PRKG1: variants seen among roughly 807,000 people sequenced by gnomAD.
PRKG1 encodes the protein protein kinase cGMP-dependent 1.
In PRKG1, 35 loss-of-function variants were observed where a neutral mutation model predicts 88.1. The observed-to-expected ratio is 0.40, with a 90% CI of 0.30 to 0.53. The LOEUF is 0.53. Ranked by LOEUF, PRKG1 falls within the 20% of genes least tolerant of loss-of-function variation. PRKG1 has a pLI of 0.59. For missense variants in PRKG1, 540 were observed against 839.8 expected, an observed-to-expected ratio of 0.64 and a Z score of 4.41; for synonymous variants, 303 against 292.5, an observed-to-expected ratio of 1.04 and a Z score of -0.37.
intron 3 of PRKG1, among the ~76,000 whole-genome samples, chr10:51,557,572 T>C (rs1385644532): frequency 6.6e-6 from 1 of 152,054 alleles, no homozygotes; most frequent in Non-Finnish European, 1.5e-5. Context: ...GGGCTAGTCA[T>C]ATACATTCTT....
At chr10:52,152,322 T>A (rs1837951597) in intron 8 of PRKG1, among the ~76,000 whole-genome samples, 1 of 152,158 alleles carries the variant, frequency 6.6e-6, no homozygotes, top group African/African-American at 2.4e-5. Context: ...GAAGCTAGAC[T>A]AGGTGCCTGA....
intron 3 of PRKG1, among the ~76,000 whole-genome samples, chr10:51,531,790 T>TGCG (rs1842023634): frequency 8.6e-5 from 13 of 151,464 alleles, no homozygotes; most frequent in African/African-American, 3.2e-4. Context: ...GATTACAGGC[T>TGCG]CCCGACACTG....
Position 51,269,759 on chromosome 10 carries a change from A to G in PRKG1, c.478+116429A>G, listed in dbSNP as rs142728457. Among the ~76,000 whole-genome samples the G allele has an allele frequency of 2.8e-3, 423 of 152,300 alleles. 4 individuals are homozygous for G. The highest frequency in any genetic ancestry group is 1.7e-3 in the Non-Finnish European group (119 of 68,016). On this transcript the variant is annotated intron_variant, in intron 2 of 17. Coordinates refer to ENST00000373980, the MANE Select transcript of PRKG1 (RefSeq NM_006258.4). ...AGGACTAAAAGACTACGTGTTGGGT[A>G]CAGTACACACTGCTAGAGTGACAGG...
At chr10:51,264,535 T>G (rs1839792560) in intron 2 of PRKG1, among the ~76,000 whole-genome samples, 1 of 152,216 alleles carries the variant, frequency 6.6e-6, no homozygotes, top group African/African-American at 2.4e-5. Context: ...TATCACGGTA[T>G]TCTGTGGCAA....
At chr10:51,573,359 T>A (rs1377465888) in intron 3 of PRKG1, among the ~76,000 whole-genome samples, 2 of 149,834 alleles carry the variant, frequency 1.3e-5, no homozygotes, top group African/African-American at 5.1e-5. Context: ...ATACACATTG[T>A]ATTTAATCAC....
At chr10:51,478,542 TA>T (rs1840266202) in intron 3 of PRKG1, among the ~76,000 whole-genome samples, 1 of 152,118 alleles carries the variant, frequency 6.6e-6, no homozygotes, top group African/African-American at 2.4e-5. Context: ...TCCTTTTATC[TA>T]AATTTTGAAT....
At chr10:51,166,008 T>A (rs1589213651) in intron 2 of PRKG1, among the ~76,000 whole-genome samples, 1 of 152,102 alleles carries the variant, frequency 6.6e-6, no homozygotes, top group Non-Finnish European at 1.5e-5. Flanking sequence ...TTTTTATGGC[T>A]GGAAGAACAT....
At chr10:51,898,097 A>G (rs1305039913) in intron 4 of PRKG1, among the ~76,000 whole-genome samples, 1 of 152,044 alleles carries the variant, frequency 6.6e-6, no homozygotes, top group Non-Finnish European at 1.5e-5. Context: ...CCAGGCACTT[A>G]AAAACCCTTG....
intron 3 of PRKG1, among the ~76,000 whole-genome samples, chr10:51,631,679 G>A (rs1247958380): frequency 3.3e-5 from 5 of 152,196 alleles, no homozygotes; most frequent in Admixed American, 3.3e-4. Context: ...ATTCTCATAA[G>A]GAGCATGCAA....
chr10:51,473,845 T>C (rs141386523), intron 3 of PRKG1, among the ~76,000 whole-genome samples: 146 of 151,896 alleles, frequency 9.6e-4, no homozygotes, highest in African/African-American at 3.4e-3. Context: ...CTCCCACACA[T>C]GTAAAGCTTG....
chr10:51,484,604 T>A (rs1417703974), intron 3 of PRKG1, among the ~76,000 whole-genome samples: 2 of 152,130 alleles, frequency 1.3e-5, no homozygotes, highest in Admixed American at 1.3e-4. Flanking sequence ...TGAGCATTTT[T>A]AATGTATACT....
intron 1 of PRKG1, among the ~76,000 whole-genome samples, chr10:51,052,044 T>C (rs1843568635): frequency 1.3e-5 from 2 of 152,194 alleles, no homozygotes; most frequent in Admixed American, 1.3e-4. Flanking sequence ...TTATTTAAAA[T>C]ATATTTTGAA....
chr10:51,297,165 A>G (rs1006875059), intron 2 of PRKG1, among the ~76,000 whole-genome samples: 1 of 152,018 alleles, frequency 6.6e-6, no homozygotes, highest in Non-Finnish European at 1.5e-5. Flanking sequence ...GAGCTGTAAG[A>G]TTGGTTGATT....
chr10:51,315,247 T>C (rs1340480058), intron 2 of PRKG1, among the ~76,000 whole-genome samples: 7 of 152,162 alleles, frequency 4.6e-5, no homozygotes, highest in African/African-American at 9.6e-5. Flanking sequence ...CAAGTCACAA[T>C]TGTAATGTAT....
Position 52,067,177 on chromosome 10 carries a change from T to C in PRKG1, c.935+4546T>C, listed in dbSNP as rs149548223. Among the ~76,000 whole-genome samples, 95 of 152,312 alleles carry C rather than the reference T, an allele frequency of 6.2e-4. 3 individuals carry two copies. The East Asian group carries it at 0.015, about 25-fold the overall frequency. Reference sequence around the variant, plus strand: ...CTGTGTATATCCTTTGGGTAATAGCTATGCTTGTTTACAAACTATATAGTT... The same window carrying C: ...CTGTGTATATCCTTTGGGTAATAGCCATGCTTGTTTACAAACTATATAGTT... On this transcript the variant is annotated intron_variant, in intron 7 of 17. Coordinates refer to ENST00000373980, the MANE Select transcript of PRKG1 (RefSeq NM_006258.4).
At chr10:51,700,279 T>C (rs567575277) in intron 3 of PRKG1, among the ~76,000 whole-genome samples, 150 of 152,346 alleles carry the variant, frequency 9.8e-4, no homozygotes, top group African/African-American at 3.5e-3. Context: ...AGGTTTTTCC[T>C]GAGCACACGG....
At chr10:51,816,537 A>ATGTG (rs35430934) in intron 4 of PRKG1, among the ~76,000 whole-genome samples, 36,453 of 145,694 alleles carry the variant, frequency 0.25, 4,605 homozygotes, top group South Asian at 0.31. Context: ...TAATTTTGGC[A>ATGTG]TGTGTGTGTG....
At chr10:51,347,955 C>T (rs958308983) in intron 2 of PRKG1, among the ~76,000 whole-genome samples, 57 of 151,972 alleles carry the variant, frequency 3.8e-4, no homozygotes, top group Middle Eastern at 3.4e-3. Flanking sequence ...CCCAGCTACT[C>T]GGGAGGCTGA....
At chr10:51,216,486 T>G (rs1838374028) in intron 2 of PRKG1, among the ~76,000 whole-genome samples, 1 of 152,220 alleles carries the variant, frequency 6.6e-6, no homozygotes, top group Non-Finnish European at 1.5e-5. Flanking sequence ...ACTTAACTTC[T>G]CTGTGCCTGG....
Sources: allele counts gnomAD v4.1 joint callset (sites outside exome capture counted in the v4.1 genomes callset), GRCh38; gene constraint gnomAD v4.1.1; transcripts MANE v1.5; gene names NCBI Gene and HGNC (gene_info 2026-07-23, HGNC 2026-07-21).